Variants in EXOC6B observed in about 807,000 individuals in gnomAD.
EXOC6B encodes the protein exocyst complex component 6B.
A neutral mutation model predicts 113.5 loss-of-function variants in EXOC6B; 54 were observed. The ratio of observed to expected loss-of-function variants is 0.48; its 90% CI spans 0.38 to 0.60. The LOEUF (loss-of-function observed/expected upper bound fraction) is 0.60, where lower values mean the gene tolerates loss of function less well. EXOC6B is among the 20% of genes least tolerant of loss of function. The pLI is 0.00. For missense variants in EXOC6B, 797 were observed against 977.5 expected (o/e 0.82, Z 2.46); for synonymous variants, 357 against 339.0 (o/e 1.05, Z -0.58).
At chr2:72,775,986 A>G (rs1683679006) in intron 1 of EXOC6B, among the ~76,000 whole-genome samples, 1 of 152,202 alleles carries the variant, frequency 6.6e-6, no homozygotes, top group Admixed American at 6.5e-5. Flanking sequence ...ATTGTTTTGC[A>G]AGATGTTACT....
chr2:72,405,365 C>T (rs538930313), intron 18 of EXOC6B, among the ~76,000 whole-genome samples: 1 of 152,310 alleles, frequency 6.6e-6, no homozygotes, highest in South Asian at 2.1e-4. Flanking sequence ...CACAAAGATA[C>T]TCCTGGAGAG....
At chr2:72,497,460 T>C (rs991326628) in intron 13 of EXOC6B, among the ~76,000 whole-genome samples, 1 of 152,114 alleles carries the variant, frequency 6.6e-6, no homozygotes, top group Admixed American at 6.5e-5. Context: ...GTAGGGAACA[T>C]ACTACCAAAA....
At chr2:72,616,972 T>C (rs1671419280) in intron 6 of EXOC6B, among the ~76,000 whole-genome samples, 1 of 152,150 alleles carries the variant, frequency 6.6e-6, no homozygotes, top group Non-Finnish European at 1.5e-5. Flanking sequence ...ACTTCCTAGA[T>C]ACAGTGGGGA....
At chr2:72,294,127 T>C (rs1006192990) in intron 20 of EXOC6B, among the ~76,000 whole-genome samples, 2 of 148,224 alleles carry the variant, frequency 1.3e-5, no homozygotes, top group Admixed American at 6.7e-5. Context: ...AAGTTAGTAA[T>C]AATCACAACT....
At chr2:72,721,185 C>T (rs1473759648) in intron 5 of EXOC6B, among the ~76,000 whole-genome samples, 2 of 151,254 alleles carry the variant, frequency 1.3e-5, no homozygotes, top group South Asian at 2.1e-4. Context: ...AAAAATTAGT[C>T]GGGCATGTTG....
At chr2:72,792,558 A>C (rs1490728011) in intron 1 of EXOC6B, among the ~76,000 whole-genome samples, 1 of 152,208 alleles carries the variant, frequency 6.6e-6, no homozygotes, top group Non-Finnish European at 1.5e-5. Flanking sequence ...TCATGATGAG[A>C]CATACAATAT....
intron 20 of EXOC6B, among the ~76,000 whole-genome samples, chr2:72,268,967 C>A (rs1559078949): frequency 6.6e-6 from 1 of 152,086 alleles, no homozygotes; most frequent in South Asian, 2.1e-4. Flanking sequence ...TTCTTTATAG[C>A]AATCCAAGAA....
intron 18 of EXOC6B, among the ~76,000 whole-genome samples, chr2:72,441,985 T>C (rs947091014): frequency 6.6e-6 from 1 of 152,220 alleles, no homozygotes; most frequent in South Asian, 2.1e-4. Flanking sequence ...TTGATGAACA[T>C]TGATGCAAAA....
chr2:72,322,697 C>T (rs1687903878), intron 20 of EXOC6B, among the ~76,000 whole-genome samples: 1 of 152,134 alleles, frequency 6.6e-6, no homozygotes, highest in Admixed American at 6.5e-5. Flanking sequence ...ACATCTATAA[C>T]CATCTGATAT....
intron 6 of EXOC6B, among the ~76,000 whole-genome samples, chr2:72,670,596 AC>A (rs1675720570): frequency 6.6e-6 from 1 of 151,888 alleles, no homozygotes; most frequent in African/African-American, 2.4e-5. Flanking sequence ...GACAGTAAAA[AC>A]CCCAAATCCT....
chr2:72,360,417 C>A (rs986169442), intron 19 of EXOC6B, among the ~76,000 whole-genome samples: 11 of 152,150 alleles, frequency 7.2e-5, no homozygotes, highest in African/African-American at 2.7e-4. Flanking sequence ...ACTACAAGTT[C>A]ATTTCCCAGG....
chr2:72,454,438 G>A (rs1473272469), intron 18 of EXOC6B, among the ~76,000 whole-genome samples: 1 of 152,078 alleles, frequency 6.6e-6, no homozygotes, highest in African/African-American at 2.4e-5. Context: ...TTGAGAGGGC[G>A]AGGCTGCAGT....
chr2:72,808,352 C>G (rs1047374911), intron 1 of EXOC6B, among the ~76,000 whole-genome samples: 2 of 152,086 alleles, frequency 1.3e-5, no homozygotes, highest in African/African-American at 4.8e-5. Flanking sequence ...TAAAGAAAGA[C>G]AAAGTTTCAT....
At chr2:72,680,608 G>A (rs988918254) in intron 6 of EXOC6B, among the ~76,000 whole-genome samples, 5 of 152,132 alleles carry the variant, frequency 3.3e-5, no homozygotes, top group Non-Finnish European at 7.4e-5. Context: ...GTGTGGTGGT[G>A]CATACCTGTA....
intron 20 of EXOC6B, among the ~76,000 whole-genome samples, chr2:72,312,485 AT>A (rs1211046287): frequency 2.6e-5 from 4 of 151,872 alleles, no homozygotes; most frequent in African/African-American, 4.8e-5. Flanking sequence ...AAATATAGGA[AT>A]TTTTTTTGCA....
intron 6 of EXOC6B, among the ~76,000 whole-genome samples, chr2:72,644,187 A>G (rs540259281): frequency 3.9e-5 from 6 of 152,348 alleles, no homozygotes; most frequent in Non-Finnish European, 7.3e-5. Flanking sequence ...AAGTGGAAGA[A>G]AGGGTATCAG....
At chr2:72,656,329 A>G (rs1674571465) in intron 6 of EXOC6B, among the ~76,000 whole-genome samples, 1 of 152,116 alleles carries the variant, frequency 6.6e-6, no homozygotes, top group East Asian at 1.9e-4. Flanking sequence ...GAAAACATAT[A>G]TTATCAGATT....
rs751309743 is a variant in EXOC6B at position 72,176,924 on chromosome 2, C to G, written c.*2411G>C. 10 of 152,166 alleles carry G rather than the reference C, an allele frequency of 6.6e-5. No individual in the cohort carries two copies. Among genetic ancestry groups the G allele is most frequent in the Non-Finnish European group, 1.0e-4 (7 of 68,036 alleles). 9.4% of individuals were successfully genotyped at this position (152,166 alleles called of 1,614,324 possible). A position where few individuals can be genotyped will look rare whatever the true frequency, so the allele number is the denominator to read the frequency against. On this transcript the variant is annotated 3_prime_UTR_variant, in exon 22 of 22. Coordinates refer to ENST00000272427, the MANE Select transcript of EXOC6B (RefSeq NM_015189.3). ...GGCACACATGCTTTGCACAAGTCCTCTCAAGGGTTGGCCCAGCTACAGGTT... is the reference window on the plus strand; with the variant it reads ...GGCACACATGCTTTGCACAAGTCCTGTCAAGGGTTGGCCCAGCTACAGGTT...
chr2:72,684,124 G>T (rs1349817521), intron 6 of EXOC6B, among the ~76,000 whole-genome samples: 3 of 152,084 alleles, frequency 2.0e-5, no homozygotes, highest in Admixed American at 1.3e-4. Flanking sequence ...TACAGACGGG[G>T]TTTCACCATG....
Sources: allele counts gnomAD v4.1 joint callset (sites outside exome capture counted in the v4.1 genomes callset), GRCh38; gene constraint gnomAD v4.1.1; transcripts MANE v1.5; gene names NCBI Gene and HGNC (gene_info 2026-07-23, HGNC 2026-07-21).